Variants in LMOD3 observed in about 807,000 individuals in gnomAD.
LMOD3 encodes leiomodin-3.
Under a neutral mutation model 41.8 loss-of-function variants are expected in LMOD3, and 31 were observed. The observed-to-expected ratio is 0.74, with a 90% CI of 0.56 to 1.00. LMOD3 has a LOEUF of 1.00. LMOD3 is among the 50% of genes least tolerant of loss of function. The probability of loss-of-function intolerance (pLI) is 0.00; values close to 1 mark genes in which losing one functional copy is unlikely to be tolerated. For synonymous variants in LMOD3, 292 were observed against 241.9 expected (o/e 1.21, Z -1.92); for missense variants, 755 against 679.5 (o/e 1.11, Z -1.23).
intron 2 of LMOD3, among the ~76,000 whole-genome samples, chr3:69,109,876 G>A (rs911323833): frequency 3.3e-5 from 5 of 152,196 alleles, no homozygotes; most frequent in African/African-American, 9.6e-5. Context: ...GCCTTGTAGG[G>A]AGAGAAATGG....
Position 69,119,136 on chromosome 3 carries a change from GT to G in LMOD3, c.1218del (p.Lys406AsnfsTer11), listed in dbSNP as rs1419485526. 6 of 1,613,846 alleles carry G rather than the reference GT, an allele frequency of 3.7e-6. No individual in the cohort carries two copies. The East Asian group carries it at 1.3e-4, about 36-fold the overall frequency. ...KQRQKRQEEQ[K>X]QQQLKEQKKL... Reference sequence around the variant, plus strand: ...TTCTTCTGTTCCTTGAGTTGCTGCTGTTTTTGCTCTTCCTGTCGTTTCTGCC... The same window carrying G: ...TTCTTCTGTTCCTTGAGTTGCTGCTGTTTTGCTCTTCCTGTCGTTTCTGCC... On this transcript the variant is annotated frameshift_variant, in exon 2 of 3. Coordinates refer to ENST00000420581, the MANE Select transcript of LMOD3 (RefSeq NM_198271.5). LOFTEE classifies it high-confidence loss of function.
At position 69,119,370 on chromosome 3, in the gene LMOD3, C is replaced by A; in HGVS notation, c.985G>T (p.Ala329Ser). The change falls in exon 2 of 3, where the codon GCC becomes TCC. Residue 329 changes from alanine to serine, a missense_variant. Coordinates refer to ENST00000420581, the MANE Select transcript of LMOD3 (RefSeq NM_198271.5). ...SNFITGKGIV[A>S]IMRCLQFNET... ...TTAAACTGGAGACACCTCATGATGG[C>A]CACAATCCCTTTACCTGTGATGAAA... 6.2e-7 allele frequency: 1 copy of A among 1,613,928 alleles called. No individual in the cohort carries two copies.
chr3:69,113,503 T>C (rs1350416184), intron 2 of LMOD3, among the ~76,000 whole-genome samples: 16 of 152,198 alleles, frequency 1.1e-4, no homozygotes, highest in Admixed American at 1.0e-3. Flanking sequence ...GTTTGTAAAC[T>C]TCAGTTCTGT....
chr3:69,113,311 G>A (rs950987109), intron 2 of LMOD3, among the ~76,000 whole-genome samples: 10 of 152,270 alleles, frequency 6.6e-5, no homozygotes, highest in African/African-American at 2.4e-4. Flanking sequence ...AAAGGGAAAG[G>A]GAGATTTGGG....
At chr3:69,118,125 C>T (rs1313303850) in intron 2 of LMOD3, among the ~76,000 whole-genome samples, 3 of 152,198 alleles carry the variant, frequency 2.0e-5, no homozygotes, top group Admixed American at 6.5e-5. Flanking sequence ...CCAATGCGCC[C>T]GGCCTGGCCT....
At position 69,122,193 on chromosome 3, in the gene LMOD3, T is replaced by A. The variant is rs1394676296; in HGVS notation, c.194A>T (p.Asn65Ile). The A allele has an allele frequency of 6.2e-7, 1 of 1,613,532 alleles. No homozygotes were observed. The highest frequency in any genetic ancestry group is 8.5e-7 in the Non-Finnish European group (1 of 1,179,738). The change falls in exon 1 of 3, where the codon AAC (asparagine) becomes ATC (isoleucine). Residue 65 changes from asparagine to isoleucine, a missense_variant. Asn to Ile is a moderately radical substitution (Grantham distance 149). Transcript: ENST00000420581. ...ATCAACAAGAGATTTATGATTGAAG[T>A]TTCCTGTCGGTGGCTTGTCAGTTTG... ...KDQTDKPPTG[N>I]FNHKSLVDYM...
chr3:69,110,714 G>A (rs1340842085), intron 2 of LMOD3, among the ~76,000 whole-genome samples: 3 of 147,074 alleles, frequency 2.0e-5, no homozygotes, highest in African/African-American at 5.0e-5. Flanking sequence ...GTGGTGGCAC[G>A]TGCCTGTAAT....
At position 69,118,123 on chromosome 3, in the gene LMOD3, C is replaced by T. The variant is rs925994305; in HGVS notation, c.1656+576G>A. ...GGGATTACAGGCGTGAGCCAATGCG[C>T]CCGGCCTGGCCTCATTCTTATTTAT... On this transcript the variant is annotated intron_variant, in intron 2 of 2. Transcript: ENST00000420581. Among the ~76,000 whole-genome samples the T allele has an allele frequency of 4.6e-5, 7 of 152,212 alleles. No homozygotes were observed. The East Asian group carries it at 5.8e-4, about 13-fold the overall frequency.
At chr3:69,113,009 T>C (rs1299213011) in intron 2 of LMOD3, among the ~76,000 whole-genome samples, 1 of 152,354 alleles carries the variant, frequency 6.6e-6, no homozygotes, top group African/African-American at 2.4e-5. Flanking sequence ...CATTGCTTTT[T>C]TCCTATGGAG....
intron 2 of LMOD3, among the ~76,000 whole-genome samples, chr3:69,112,992 A>G (rs1444562980): frequency 6.6e-6 from 1 of 152,216 alleles, no homozygotes; most frequent in Admixed American, 6.5e-5. Flanking sequence ...ATGAGCTTGA[A>G]ATGTTACATT....
chr3:69,120,847 C>T lies in LMOD3; in HGVS notation c.295-787G>A, dbSNP rs1250928932. On this transcript the variant is annotated intron_variant, in intron 1 of 2. Coordinates refer to ENST00000420581, the MANE Select transcript of LMOD3 (RefSeq NM_198271.5). ...TGCTTAGTCTGGGAAATAAAATGGG[C>T]CTTTTATCAATAATATGTATTAGAT... is the stretch of plus-strand genomic sequence containing the variant. Among the ~76,000 whole-genome samples, 4 of 151,956 alleles carry T rather than the reference C, an allele frequency of 2.6e-5. No homozygotes were observed. The East Asian group carries it at 7.7e-4, about 29-fold the overall frequency.
In LMOD3 at chr3:69,108,838, C is replaced by G; in HGVS notation, c.*257G>C. On this transcript the variant is annotated 3_prime_UTR_variant, in exon 3 of 3. Coordinates refer to ENST00000420581, the MANE Select transcript of LMOD3 (RefSeq NM_198271.5). ...CGGGAAATATGACTCTAAATTTCAC[C>G]TGAGTCACTCAAATTGATTGCAAGT... is the stretch of plus-strand genomic sequence containing the variant. 2.7e-6 allele frequency: 1 copy of G among 366,502 alleles called. No individual in the cohort carries two copies. The highest frequency in any genetic ancestry group is 4.3e-5 in the East Asian group (1 of 23,090). 22.7% of individuals were successfully genotyped at this position (366,502 alleles called of 1,614,324 possible).
At chr3:69,109,194 A>G in intron 2 of LMOD3, 73 bp from the exon 3 acceptor site, 1 of 1,372,696 alleles carries the variant, frequency 7.3e-7, no homozygotes, top group South Asian at 1.2e-5. Flanking sequence ...CAAAATTTAC[A>G]AAATTTACAT....
chr3:69,121,165 T>C (rs947214420), intron 1 of LMOD3, among the ~76,000 whole-genome samples: 2 of 152,220 alleles, frequency 1.3e-5, no homozygotes, highest in Non-Finnish European at 2.9e-5. Context: ...GGCATTCACA[T>C]AGAATTGGCT....
chr3:69,116,298 A>T (rs2092372725), intron 2 of LMOD3, among the ~76,000 whole-genome samples: 1 of 152,198 alleles, frequency 6.6e-6, no homozygotes, highest in South Asian at 2.1e-4. Context: ...GTTGTGTGAC[A>T]TTTTGTAACT....
In LMOD3 at chr3:69,118,727, C is replaced by T. The variant is rs199655993; in HGVS notation, c.1628G>A (p.Arg543His). The T allele has an allele frequency of 1.5e-5, 24 of 1,612,670 alleles. No individual in the cohort carries two copies. In the Middle Eastern group the frequency reaches 5.0e-4, roughly 33 times the overall value. Reference sequence around the variant, plus strand: ...TTTAAGATAGGCGACACTGCTGTGACGAATGTCGTTTAGCAGCTGATCTCT... The same window carrying T: ...TTTAAGATAGGCGACACTGCTGTGATGAATGTCGTTTAGCAGCTGATCTCT... ...TPRDQLLNDI[R>H]HSSVAYLKPV... The change falls in exon 2 of 3, where the codon CGT becomes CAT. Residue 543 changes from arginine to histidine, a missense_variant. Coordinates refer to ENST00000420581, the MANE Select transcript of LMOD3 (RefSeq NM_198271.5).
intron 2 of LMOD3, among the ~76,000 whole-genome samples, chr3:69,110,115 G>C (rs141414740): frequency 3.0e-4 from 45 of 152,174 alleles, no homozygotes; most frequent in African/African-American, 1.0e-3. Flanking sequence ...CCAGGCAAGG[G>C]GGCATGCACC....
chr3:69,119,464 A>G lies in LMOD3; in HGVS notation c.891T>C (p.Asn297=), dbSNP rs1319901955. Reference sequence around the variant, plus strand: ...ACATGTTAGCCAAGGCAAATGCTACATTCTCATCTGCACCCACATTGGCTA... The same window carrying G: ...ACATGTTAGCCAAGGCAAATGCTACGTTCTCATCTGCACCCACATTGGCTA... ...FSLANVGADE[N]VAFALANMLR... The change falls in exon 2 of 3, where the codon AAT becomes AAC. Residue 297 remains asparagine, a synonymous_variant. Coordinates refer to ENST00000420581, the MANE Select transcript of LMOD3 (RefSeq NM_198271.5). The G allele has an allele frequency of 3.1e-6, 5 of 1,614,016 alleles. No individual in the cohort carries two copies. In the East Asian group the frequency reaches 8.9e-5, roughly 29 times the overall value.
chr3:69,111,395 C>T (rs2092349666), intron 2 of LMOD3, among the ~76,000 whole-genome samples: 2 of 152,106 alleles, frequency 1.3e-5, no homozygotes, highest in African/African-American at 2.4e-5. Flanking sequence ...CCATGGAGAA[C>T]ACCAGTAGTT....
Sources: allele counts gnomAD v4.1 joint callset (sites outside exome capture counted in the v4.1 genomes callset), GRCh38; gene constraint gnomAD v4.1.1; transcripts MANE v1.5; gene names NCBI Gene and HGNC (gene_info 2026-07-23, HGNC 2026-07-21).